HBS1L: variants seen among roughly 807,000 people sequenced by gnomAD.
The protein encoded by HBS1L is HBS1 like translational GTPase, also known as HBS1-like protein.
In HBS1L, 55 loss-of-function variants were observed where a neutral mutation model predicts 88.9. The ratio of observed to expected loss-of-function variants is 0.62; its 90% confidence interval spans 0.50 to 0.77. The LOEUF is 0.77. Ranked by LOEUF, HBS1L falls within the 30% of genes least tolerant of loss-of-function variation. The pLI, the probability that HBS1L is intolerant of heterozygous loss-of-function variation, is 0.00. For synonymous variants in HBS1L, 267 were observed against 288.5 expected (o/e 0.93, Z 0.76); for missense variants, 741 against 829.3 (o/e 0.89, Z 1.31).
intron 2 of HBS1L, among the ~76,000 whole-genome samples, chr6:135,048,068 G>A (rs1370051588): frequency 2.0e-5 from 3 of 152,162 alleles, no homozygotes; most frequent in Admixed American, 1.3e-4. Flanking sequence ...TTGTGATGCT[G>A]GATTGAAGTC....
intron 4 of HBS1L, among the ~76,000 whole-genome samples, chr6:135,007,665 G>A (rs1047125257): frequency 6.6e-6 from 1 of 152,078 alleles, no homozygotes; most frequent in Admixed American, 6.5e-5. Flanking sequence ...ACATAAGTCA[G>A]AAAGGAACTC....
chr6:135,009,649 T>A (rs1775716525), intron 4 of HBS1L, among the ~76,000 whole-genome samples: 1 of 152,228 alleles, frequency 6.6e-6, no homozygotes, highest in South Asian at 2.1e-4. Flanking sequence ...TTCTTTTTTT[T>A]TTGAGACGGA....
chr6:135,035,379 G>A (rs2114889485), intron 4 of HBS1L, among the ~76,000 whole-genome samples: 1 of 151,932 alleles, frequency 6.6e-6, no homozygotes, highest in East Asian at 1.9e-4. Flanking sequence ...GAACCCGGGA[G>A]GCGGAGGCTG....
intron 2 of HBS1L, among the ~76,000 whole-genome samples, chr6:135,045,086 C>T (rs1776868649): frequency 6.6e-6 from 1 of 151,730 alleles, no homozygotes; most frequent in Non-Finnish European, 1.5e-5. Flanking sequence ...TAAGAAAACT[C>T]CCCCAGGAGA....
Position 134,961,085 on chromosome 6 carries a change from C to CTCTGCTTTTTTTTTTTTTTT in HBS1L, c.*4193_*4194insAAAAAAAAAAAAAAAGCAGA, listed in dbSNP as rs1774175570. The stretch of plus-strand genomic sequence containing the variant: ...ATCTTTTGCTGTACAGACTTAGTTT[C>CTCTGCTTTTTTTTTTTTTTT]TTTGCTTTTTTTTTTTTTTTTTTTG... On this transcript the variant is annotated 3_prime_UTR_variant, in exon 18 of 18. Coordinates refer to ENST00000367837, the MANE Select transcript of HBS1L (RefSeq NM_006620.4). 1.5e-5 allele frequency: 1 copy of CTCTGCTTTTTTTTTTTTTTT among 65,186 alleles called. No individual in the cohort carries two copies. Among genetic ancestry groups the CTCTGCTTTTTTTTTTTTTTT allele is most frequent in the African/African-American group, 5.8e-5 (1 of 17,344 alleles). The allele number at this position is 65,186 out of a possible 1,614,324, so 4.0% of individuals were successfully genotyped here.
chr6:135,037,378 G>C, intron 4 of HBS1L: 1 of 1,551,326 alleles, frequency 6.4e-7, no homozygotes, highest in Non-Finnish European at 8.7e-7. Context: ...ATTTTTAAAA[G>C]TGTGATTCTT....
At chr6:134,972,653 G>C (rs1210957992) in intron 15 of HBS1L, among the ~76,000 whole-genome samples, 1 of 152,044 alleles carries the variant, frequency 6.6e-6, no homozygotes. Flanking sequence ...AAAATGAAAA[G>C]GCAGCCTAGA....
Position 135,002,806 on chromosome 6 carries a change from GAT to G in HBS1L, c.465_466del (p.Glu155AspfsTer2). Reference sequence around the variant, plus strand: ...TTTAGCAACTTTTGGCACAATTTCAGATTCACTTCGCGATGTCTGGGAATCTA... The same window carrying G: ...TTTAGCAACTTTTGGCACAATTTCAGTCACTTCGCGATGTCTGGGAATCTA... On this transcript the variant is annotated frameshift_variant, in exon 5 of 18. Coordinates refer to ENST00000367837, the MANE Select transcript of HBS1L (RefSeq NM_006620.4). LOFTEE classifies it high-confidence loss of function. The G allele has an allele frequency of 6.2e-7, 1 of 1,613,142 alleles. No individual in the cohort carries two copies. Among genetic ancestry groups the G allele is most frequent in the Non-Finnish European group, 8.5e-7 (1 of 1,179,396 alleles).
chr6:135,018,741 A>G (rs1210616038), intron 4 of HBS1L, among the ~76,000 whole-genome samples: 1 of 151,942 alleles, frequency 6.6e-6, no homozygotes, highest in Non-Finnish European at 1.5e-5. Context: ...TTTGCTTTAC[A>G]GAATGAAAAC....
chr6:135,010,477 TTTTTGG>T (rs1427481531), intron 4 of HBS1L, among the ~76,000 whole-genome samples: 4 of 152,234 alleles, frequency 2.6e-5, no homozygotes, highest in Non-Finnish European at 5.9e-5. Flanking sequence ...TTACTGATAA[TTTTTGG>T]TTTTACTGGC....
chr6:134,995,292 G>A, intron 7 of HBS1L, among the ~76,000 whole-genome samples: 1 of 152,008 alleles, frequency 6.6e-6, no homozygotes, highest in East Asian at 1.9e-4. Flanking sequence ...ATTTAACATG[G>A]CAGGATAAGC....
At chr6:135,007,990 C>G (rs1478711186) in intron 4 of HBS1L, among the ~76,000 whole-genome samples, 1 of 152,184 alleles carries the variant, frequency 6.6e-6, no homozygotes, top group African/African-American at 2.4e-5. Context: ...CTAAACTTTT[C>G]CATGAAGTAC....
chr6:134,999,148 A>G (rs1171790123), intron 5 of HBS1L, among the ~76,000 whole-genome samples: 2 of 152,200 alleles, frequency 1.3e-5, no homozygotes, highest in African/African-American at 4.8e-5. Flanking sequence ...AGAAATCACA[A>G]TCTCGGGCCC....
intron 8 of HBS1L, among the ~76,000 whole-genome samples, chr6:134,993,076 T>C (rs911031190): frequency 6.6e-6 from 1 of 152,228 alleles, no homozygotes; most frequent in Non-Finnish European, 1.5e-5. Flanking sequence ...TACAGTAATA[T>C]GTTATACATG....
intron 4 of HBS1L, among the ~76,000 whole-genome samples, chr6:135,005,426 G>A (rs1775583458): frequency 6.6e-6 from 1 of 152,216 alleles, no homozygotes; most frequent in Admixed American, 6.5e-5. Context: ...ACAGGGAACT[G>A]CTCCACAATT....
intron 4 of HBS1L, among the ~76,000 whole-genome samples, chr6:135,014,806 C>A (rs1726572934): frequency 7.2e-6 from 1 of 138,272 alleles, no homozygotes; most frequent in Non-Finnish European, 1.5e-5. Context: ...CACCTGAGCC[C>A]AGGAGTTCAA....
chr6:134,994,495 TG>T lies in HBS1L; in HGVS notation c.966-621del, dbSNP rs538880198. Among the ~76,000 whole-genome samples, 681 of 152,256 alleles carry T rather than the reference TG, an allele frequency of 4.5e-3. 3 individuals are homozygous for T. Among genetic ancestry groups the T allele is most frequent in the Non-Finnish European group, 6.9e-3 (471 of 67,952 alleles). ...TGTAGATTCAGATTAGTGAAATGCT[TG>T]GGACTAGAAGCTTTTCAAATTACAG... On this transcript the variant is annotated intron_variant, in intron 7 of 17. Transcript: ENST00000367837.
chr6:134,999,296 T>C (rs1775379044), intron 5 of HBS1L, among the ~76,000 whole-genome samples: 1 of 152,084 alleles, frequency 6.6e-6, no homozygotes, highest in Admixed American at 6.5e-5. Context: ...CCCCCACCAA[T>C]CCAGGCAGCC....
At chr6:134,985,283 T>G in intron 12 of HBS1L, 58 bp downstream of exon 12, 1 of 1,101,828 alleles carries the variant, frequency 9.1e-7, no homozygotes, top group Non-Finnish European at 1.3e-6. Flanking sequence ...GAAAGGAGGT[T>G]AGGAGGGAAT....
Sources: allele counts gnomAD v4.1 joint callset (sites outside exome capture counted in the v4.1 genomes callset), GRCh38; gene constraint gnomAD v4.1.1; transcripts MANE v1.5; gene names NCBI Gene and HGNC (gene_info 2026-07-23, HGNC 2026-07-21).